IRAK4: variants seen among roughly 807,000 people sequenced by gnomAD.
IRAK4 encodes interleukin 1 receptor associated kinase 4, also known as interleukin-1 receptor-associated kinase 4.
In IRAK4, 44 loss-of-function variants were observed where a neutral mutation model predicts 51.8. The ratio of observed to expected loss-of-function variants is 0.85; its 90% CI spans 0.67 to 1.09. The LOEUF is 1.09. Among genes scored for constraint, IRAK4 ranks in the 50% least tolerant of loss-of-function variants. The probability of loss-of-function intolerance (pLI) is 0.00; values close to 1 mark genes in which losing one functional copy is unlikely to be tolerated. For synonymous variants in IRAK4, 149 were observed against 174.1 expected (o/e 0.86, Z 1.13); for missense variants, 487 against 538.0 (o/e 0.91, Z 0.94).
chr12:43,771,108 A>C, intron 2 of IRAK4, 112 bp from the exon 3 acceptor site: 1 of 972,720 alleles, frequency 1.0e-6, no homozygotes, highest in Non-Finnish European at 1.6e-6. Flanking sequence ...CAGAACCGTG[A>C]GCCAAATTAA....
intron 8 of IRAK4, among the ~76,000 whole-genome samples, chr12:43,780,715 G>A (rs549560741): frequency 2.6e-4 from 39 of 152,128 alleles, no homozygotes; most frequent in African/African-American, 9.2e-4. Context: ...TGGATTACAG[G>A]CATCCACCAC....
In IRAK4 at chr12:43,764,190, G is replaced by A. The variant is rs4251440; in HGVS notation, c.-9-3913G>A. 1.9e-3 allele frequency among the ~76,000 whole-genome samples: 292 copies of A among 152,232 alleles called. 3 individuals carry two copies. The highest frequency in any genetic ancestry group is 6.6e-3 in the African/African-American group (275 of 41,546). ...TGTAATCCCAGCACTTTGGGAGGCC[G>A]AGGTGGGCAGATCACCTGAGGTCAG... is the stretch of plus-strand genomic sequence containing the variant. On this transcript the variant is annotated intron_variant, in intron 1 of 11. Coordinates refer to ENST00000613694, the MANE Select transcript of IRAK4 (RefSeq NM_016123.4).
intron 1 of IRAK4, chr12:43,763,353 G>C (rs992396543): frequency 6.6e-6 from 1 of 152,156 alleles, no homozygotes; most frequent in Non-Finnish European, 1.5e-5. Context: ...AGTGGGTTGA[G>C]TGCAGAAGCA....
chr12:43,770,974 T>TC, intron 2 of IRAK4: 1 of 624,028 alleles, frequency 1.6e-6, no homozygotes, highest in South Asian at 1.6e-5. Context: ...TCTCTCTCTC[T>TC]TTTTTTTTCT....
At position 43,771,233 on chromosome 12, in the gene IRAK4, T is replaced by C; in HGVS notation, c.175T>C (p.Leu59=). The change falls in exon 3 of 12, where the codon TTA becomes CTA. Residue 59 remains leucine (L), a synonymous_variant. Transcript: ENST00000613694. ...CTTACTTTTAAGGAGATTTGAAGCATTACTTCAAACTGGAAAAAGTCCCAC... is the reference window on the plus strand; with the variant it reads ...CTTACTTTTAAGGAGATTTGAAGCACTACTTCAAACTGGAAAAAGTCCCAC... ...NQFHIRRFEA[L]LQTGKSPTSE... 6.2e-7 allele frequency: 1 copy of C among 1,613,650 alleles called. No homozygotes were observed.
At chr12:43,767,349 G>A (rs1565664543) in intron 1 of IRAK4, among the ~76,000 whole-genome samples, 2 of 152,222 alleles carry the variant, frequency 1.3e-5, no homozygotes, top group Non-Finnish European at 2.9e-5. Flanking sequence ...CCATAAATTT[G>A]TATTCACATC....
rs987339837 is a variant in IRAK4, at chr12:43,770,995, C to T, written c.162-225C>T. 8.8e-6 allele frequency: 6 copies of T among 678,386 alleles called. No individual in the cohort carries two copies. The Admixed American group carries it at 1.2e-4, about 14-fold the overall frequency. 42.0% of individuals were successfully genotyped at this position (678,386 alleles called of 1,614,324 possible). ...TCTCTTTTTTTTTCTCTTTCACATG[C>T]ACGTGTGCATGCTCTTTTGCCCTTC... On this transcript the variant is annotated intron_variant, in intron 2 of 11. Transcript: ENST00000613694.
rs1400314305 is a variant in IRAK4 at position 43,772,979 on chromosome 12, T to A, written c.558T>A (p.Ser186=). The change falls in exon 5 of 12, where the codon TCT becomes TCA. Residue 186 remains serine, a synonymous_variant. Coordinates refer to ENST00000613694, the MANE Select transcript of IRAK4 (RefSeq NM_016123.4). ...VTNNFDERPI[S]VGGNKMGEGG... ...ATAACTTTGATGAACGACCCATTTC[T>A]GTTGGTGGTAATAAAATGGGAGAGG... The A allele has an allele frequency of 1.9e-5, 31 of 1,611,910 alleles. No individual in the cohort carries two copies. Among genetic ancestry groups the A allele is most frequent in the Non-Finnish European group, 2.4e-5 (28 of 1,178,582 alleles).
rs1942387624 is a variant in IRAK4, at chr12:43,788,975, A to C, written c.*2260A>C. 1 of 152,186 alleles carries C rather than the reference A, an allele frequency of 6.6e-6. No homozygotes were observed. Among genetic ancestry groups the C allele is most frequent in the Admixed American group, 6.5e-5 (1 of 15,284 alleles). 9.4% of individuals were successfully genotyped at this position (152,186 alleles called of 1,614,324 possible). A position where few individuals can be genotyped will look rare whatever the true frequency, so the allele number is the denominator to read the frequency against. On this transcript the variant is annotated 3_prime_UTR_variant, in exon 12 of 12. Transcript: ENST00000613694. ...AACTTATATTTTATTTCAGAGGCTC[A>C]TAGGCGGCAGGAACTTACCTTGAGT...
intron 5 of IRAK4, among the ~76,000 whole-genome samples, chr12:43,773,500 A>T (rs1287474928): frequency 6.6e-6 from 1 of 152,136 alleles, no homozygotes; most frequent in Non-Finnish European, 1.5e-5. Flanking sequence ...CTTTGTTGCC[A>T]TTTCTACTGA....
chr12:43,774,967 A>G (rs1941136455), intron 6 of IRAK4, among the ~76,000 whole-genome samples: 1 of 152,254 alleles, frequency 6.6e-6, no homozygotes, highest in Non-Finnish European at 1.5e-5. Context: ...ATTTAGAAAC[A>G]TTAAATAGCT....
At chr12:43,767,128 T>TAG (rs1940235162) in intron 1 of IRAK4, among the ~76,000 whole-genome samples, 1 of 152,168 alleles carries the variant, frequency 6.6e-6, no homozygotes, top group Non-Finnish European at 1.5e-5. Flanking sequence ...AAAATATATA[T>TAG]AGGGAAGCAA....
At chr12:43,765,800 A>G (rs1202765264) in intron 1 of IRAK4, among the ~76,000 whole-genome samples, 1 of 151,418 alleles carries the variant, frequency 6.6e-6, no homozygotes, top group Non-Finnish European at 1.5e-5. Context: ...GAAGGCTCCT[A>G]GATAGTGCCA....
chr12:43,776,474 A>G (rs1274190030), intron 6 of IRAK4, among the ~76,000 whole-genome samples: 2 of 152,270 alleles, frequency 1.3e-5, no homozygotes, highest in Non-Finnish European at 1.5e-5. Flanking sequence ...AGAAATTGAT[A>G]TAATGAACTG....
At chr12:43,766,035 A>G (rs1006521743) in intron 1 of IRAK4, among the ~76,000 whole-genome samples, 2 of 152,186 alleles carry the variant, frequency 1.3e-5, no homozygotes, top group African/African-American at 2.4e-5. Context: ...TTGCCTCAAT[A>G]TACATCCCTT....
chr12:43,788,249 A>G lies in IRAK4; in HGVS notation c.*1534A>G, dbSNP rs574051595. The G allele has an allele frequency of 6.6e-6, 1 of 152,368 alleles. No individual in the cohort carries two copies. The highest frequency in any genetic ancestry group is 1.9e-4 in the East Asian group (1 of 5,180). The allele number at this position is 152,368 out of a possible 1,614,324, so 9.4% of individuals were successfully genotyped here. ...ACAGAGCATGTACAGCGGGAGGCTTATAGTGTACGTACTGAAATGTGGGGT... is the reference window on the plus strand; with the variant it reads ...ACAGAGCATGTACAGCGGGAGGCTTGTAGTGTACGTACTGAAATGTGGGGT... On this transcript the variant is annotated 3_prime_UTR_variant, in exon 12 of 12. Coordinates refer to ENST00000613694, the MANE Select transcript of IRAK4 (RefSeq NM_016123.4).
chr12:43,774,160 A>G (rs2137963777), intron 6 of IRAK4, 131 bp downstream of exon 6: 1 of 695,098 alleles, frequency 1.4e-6, no homozygotes, highest in Middle Eastern at 2.7e-4. Context: ...AAGTGTTTAG[A>G]TTAGAGAAAT....
chr12:43,783,287 TTATA>T (rs1941935187), intron 9 of IRAK4, among the ~76,000 whole-genome samples: 1 of 151,756 alleles, frequency 6.6e-6, no homozygotes, highest in African/African-American at 2.4e-5. Context: ...GTCTTGAGTA[TTATA>T]TATATAATTT....
chr12:43,772,878 A>G, intron 4 of IRAK4, 34 bp from the exon 5 acceptor site: 2 of 1,487,302 alleles, frequency 1.3e-6, no homozygotes, highest in Admixed American at 3.6e-5. Context: ...ACGAATTTTT[A>G]AAATTTAAGC....
Sources: gnomAD v4.1 joint callset for allele counts (sites outside exome capture counted in the v4.1 genomes callset) on GRCh38, gnomAD v4.1.1 for gene constraint, MANE v1.5 for transcripts, NCBI Gene and HGNC (gene_info 2026-07-23, HGNC 2026-07-21) for gene names.